Variants in MTMR2 observed in about 807,000 individuals in gnomAD.
The protein encoded by MTMR2 is myotubularin related protein 2, also known as phosphatidylinositol-3,5-bisphosphate 3-phosphatase MTMR2.
Under a neutral mutation model 86.9 loss-of-function variants are expected in MTMR2, and 55 were observed. The ratio of observed to expected loss-of-function variants is 0.63; its 90% CI spans 0.51 to 0.79. MTMR2 has a LOEUF of 0.79. Ranked by LOEUF, MTMR2 falls within the 30% of genes least tolerant of loss-of-function variation. MTMR2 has a pLI of 0.00. For missense variants in MTMR2, 659 were observed against 772.3 expected, an observed-to-expected ratio of 0.85 and a Z score of 1.74; for synonymous variants, 241 against 266.8, an observed-to-expected ratio of 0.90 and a Z score of 0.94.
At chr11:95,851,055 C>CTTTTTTTTTTTTTTTTTTTTTTT in intron 7 of MTMR2, among the ~76,000 whole-genome samples, 1 of 93,396 alleles carries the variant, frequency 1.1e-5, no homozygotes, top group Non-Finnish European at 1.9e-5. Flanking sequence ...TCAAATATTC[C>CTTTTTTTTTTTTTTTTTTTTTTT]TTTTTTTTTT....
At position 95,842,319 on chromosome 11, in the gene MTMR2, GGA is replaced by G. The variant is rs142578103; in HGVS notation, c.1387-612_1387-611del. Reference sequence around the variant, plus strand: ...ACCTCAGAGGCCAGATTTTTGTCCTGGAGATTTTAATTTCTCTCTGAGAAATA... The same window carrying G: ...ACCTCAGAGGCCAGATTTTTGTCCTGGATTTTAATTTCTCTCTGAGAAATA... On this transcript the variant is annotated intron_variant, in intron 11 of 14. Coordinates refer to ENST00000346299, the MANE Select transcript of MTMR2 (RefSeq NM_016156.6). 2.9e-3 allele frequency among the ~76,000 whole-genome samples: 435 copies of G among 152,228 alleles called. 2 individuals carry two copies. The highest frequency in any genetic ancestry group is 0.01 in the African/African-American group (417 of 41,550).
At chr11:95,889,430 G>A (rs905368047) in intron 1 of MTMR2, among the ~76,000 whole-genome samples, 1 of 148,628 alleles carries the variant, frequency 6.7e-6, no homozygotes, top group Non-Finnish European at 1.5e-5. Context: ...ACTGCGCCTG[G>A]CCAAACTTTC....
intron 2 of MTMR2, among the ~76,000 whole-genome samples, chr11:95,882,200 G>A (rs1865349569): frequency 6.6e-6 from 1 of 151,204 alleles, no homozygotes; most frequent in African/African-American, 2.4e-5. Context: ...CATGGACATA[G>A]TCTAATAATC....
intron 11 of MTMR2, among the ~76,000 whole-genome samples, chr11:95,843,017 T>G (rs1863617278): frequency 6.6e-6 from 1 of 152,202 alleles, no homozygotes; most frequent in Admixed American, 6.6e-5. Context: ...AGATAGCACT[T>G]TCTCATCATT....
At chr11:95,873,473 T>C (rs1053798906) in intron 2 of MTMR2, among the ~76,000 whole-genome samples, 2 of 152,236 alleles carry the variant, frequency 1.3e-5, no homozygotes, top group Non-Finnish European at 2.9e-5. Context: ...TCATTTTTTA[T>C]TGCATCTATT....
At chr11:95,860,763 A>C (rs1864388119) in intron 5 of MTMR2, among the ~76,000 whole-genome samples, 1 of 152,222 alleles carries the variant, frequency 6.6e-6, no homozygotes, top group South Asian at 2.1e-4. Flanking sequence ...AAAATGTAAC[A>C]ATCTATGTTT....
intron 2 of MTMR2, among the ~76,000 whole-genome samples, chr11:95,884,317 A>G (rs554264419): frequency 2.1e-4 from 32 of 152,352 alleles, no homozygotes; most frequent in African/African-American, 7.2e-4. Context: ...TCAAAGATTT[A>G]TTAAGAAATA....
chr11:95,921,309 G>A (rs1866914214), intron 1 of MTMR2, among the ~76,000 whole-genome samples: 1 of 152,038 alleles, frequency 6.6e-6, no homozygotes. Flanking sequence ...AATTCCAAAG[G>A]CAGTTTCCCA....
intron 2 of MTMR2, among the ~76,000 whole-genome samples, chr11:95,878,724 G>A (rs1865215045): frequency 6.6e-6 from 1 of 151,916 alleles, no homozygotes; most frequent in Non-Finnish European, 1.5e-5. Flanking sequence ...CCATAAGGAC[G>A]AGCCCCACAC....
intron 10 of MTMR2, among the ~76,000 whole-genome samples, chr11:95,846,310 T>C (rs1053617151): frequency 2.6e-5 from 4 of 152,204 alleles, no homozygotes; most frequent in Admixed American, 6.5e-5. Flanking sequence ...TACTAGAAGG[T>C]AGATACTGCT....
rs1863726953 is a variant in MTMR2, at chr11:95,845,119, T to C, written c.1220A>G (p.Glu407Gly). The change falls in exon 11 of 15, where the codon GAG becomes GGG. Residue 407 changes from glutamate to glycine, a missense_variant. Physicochemically the swap from Glu to Gly is moderately conservative, Grantham distance 98. Coordinates refer to ENST00000346299, the MANE Select transcript of MTMR2 (RefSeq NM_016156.6). ...CACTACCACAGACGTCTTCCCTGAC[T>C]CTACCTTGTCAGCAATCCTAAGAGC... ...AGALRIADKV[E>G]SGKTSVVVHC... 1.9e-6 allele frequency: 3 copies of C among 1,613,958 alleles called. No individual in the cohort carries two copies. The highest frequency in any genetic ancestry group is 2.5e-6 in the Non-Finnish European group (3 of 1,179,868).
At position 95,923,886 on chromosome 11, in the gene MTMR2, G is replaced by C; in HGVS notation, c.69C>G (p.Asp23Glu). 1 of 1,555,412 alleles carries C rather than the reference G, an allele frequency of 6.4e-7. No homozygotes were observed. Among genetic ancestry groups the C allele is most frequent in the Non-Finnish European group, 8.7e-7 (1 of 1,149,540 alleles). The change falls in exon 1 of 15, where the codon GAC becomes GAG. Residue 23 changes from aspartate (D) to glutamate (E), a missense_variant. By Grantham distance (45) the Asp-to-Glu change is conservative (BLOSUM62 2). Coordinates refer to ENST00000346299, the MANE Select transcript of MTMR2 (RefSeq NM_016156.6). Reference protein sequence around the residue: ...QPAAARPPSVDSLSSASTSHS... With the variant: ...QPAAARPPSVESLSSASTSHS... Reference sequence around the variant, plus strand: ...GGCGTCCTGGTTACCTGGACAAGGAGTCCACGCTGGGCGGCCGAGCCGCCG... The same window carrying C: ...GGCGTCCTGGTTACCTGGACAAGGACTCCACGCTGGGCGGCCGAGCCGCCG...
intron 1 of MTMR2, among the ~76,000 whole-genome samples, chr11:95,902,995 T>C (rs1866127956): frequency 1.3e-5 from 2 of 152,186 alleles, no homozygotes; most frequent in Non-Finnish European, 2.9e-5. Flanking sequence ...CATAATTCTT[T>C]CCAGTGCTGC....
At chr11:95,901,810 CA>C (rs1041037645) in intron 1 of MTMR2, among the ~76,000 whole-genome samples, 1 of 152,212 alleles carries the variant, frequency 6.6e-6, no homozygotes, top group Middle Eastern at 3.4e-3. Flanking sequence ...CTCCTTGGAG[CA>C]GATAAAGCTT....
intron 1 of MTMR2, among the ~76,000 whole-genome samples, chr11:95,905,382 C>T (rs1051719099): frequency 6.6e-6 from 1 of 150,938 alleles, no homozygotes; most frequent in South Asian, 2.1e-4. Context: ...ACAACACATA[C>T]CACTGCTTAA....
At chr11:95,878,539 C>A (rs1263002825) in intron 2 of MTMR2, among the ~76,000 whole-genome samples, 1 of 152,068 alleles carries the variant, frequency 6.6e-6, no homozygotes, top group Non-Finnish European at 1.5e-5. Context: ...AATTCCTTCA[C>A]TTTTCTGCAA....
Position 95,835,326 on chromosome 11 carries a change from A to T in MTMR2, c.1896T>A (p.Pro632=), listed in dbSNP as rs780764646. The T allele has an allele frequency of 1.9e-6, 3 of 1,613,110 alleles. No individual in the cohort carries two copies. In the South Asian group the frequency reaches 3.3e-5, roughly 18 times the overall value. ...STSSSERASS[P]AQCVTPVQTV... ...TTTGGACAGGAGTGACACACTGTGC[A>T]GGAGAGCTGGCTCTCTCTGAGGATG... is the stretch of plus-strand genomic sequence containing the variant. The change falls in exon 15 of 15, where the codon CCT becomes CCA. Residue 632 remains proline, a synonymous_variant. Coordinates refer to ENST00000346299, the MANE Select transcript of MTMR2 (RefSeq NM_016156.6).
At chr11:95,885,707 G>A (rs1489798463) in intron 2 of MTMR2, among the ~76,000 whole-genome samples, 1 of 152,070 alleles carries the variant, frequency 6.6e-6, no homozygotes, top group Non-Finnish European at 1.5e-5. Flanking sequence ...CCCTCAAGGA[G>A]GTAGAGTATA....
chr11:95,843,804 G>T (rs1863653836), intron 11 of MTMR2, among the ~76,000 whole-genome samples: 1 of 151,712 alleles, frequency 6.6e-6, no homozygotes, highest in Non-Finnish European at 1.5e-5. Flanking sequence ...CCTAAATTAA[G>T]AAATATTTTT....
Sources: gnomAD v4.1 joint callset for allele counts (sites outside exome capture counted in the v4.1 genomes callset) on GRCh38, gnomAD v4.1.1 for gene constraint, MANE v1.5 for transcripts, NCBI Gene and HGNC (gene_info 2026-07-23, HGNC 2026-07-21) for gene names.